ANXA5: variants seen among roughly 807,000 people sequenced by gnomAD.
ANXA5 encodes the protein annexin A5.
Under a neutral mutation model 48.1 loss-of-function variants are expected in ANXA5, and 40 were observed. The ratio of observed to expected loss-of-function variants is 0.83; its 90% CI spans 0.65 to 1.08. ANXA5 has a LOEUF of 1.08. ANXA5 is among the 50% of genes least tolerant of loss of function. The pLI, the probability that ANXA5 is intolerant of heterozygous loss-of-function variation, is 0.00. For synonymous variants in ANXA5, 113 were observed against 129.1 expected, an observed-to-expected ratio of 0.88 and a Z score of 0.85; for missense variants, 357 against 376.8, an observed-to-expected ratio of 0.95 and a Z score of 0.44.
At chr4:121,684,906 G>A (rs760577607) in intron 3 of ANXA5, 135 bp from the exon 4 acceptor site, 160 of 642,982 alleles carry the variant, frequency 2.5e-4, no homozygotes, top group Admixed American at 6.8e-4. Context: ...TATGGCCGGC[G>A]CAGTGGCTCA....
chr4:121,673,797 T>C (rs1724650609), intron 8 of ANXA5, among the ~76,000 whole-genome samples: 1 of 152,166 alleles, frequency 6.6e-6, no homozygotes, highest in South Asian at 2.1e-4. Flanking sequence ...GACACAGACC[T>C]TTCTTAAAAT....
chr4:121,682,604 A>G (rs1560827528), intron 5 of ANXA5, among the ~76,000 whole-genome samples: 1 of 152,252 alleles, frequency 6.6e-6, no homozygotes, highest in East Asian at 1.9e-4. Flanking sequence ...TGTTTATTCC[A>G]AAAGAATCAC....
chr4:121,673,040 A>G (rs1282986151), intron 8 of ANXA5, among the ~76,000 whole-genome samples: 1 of 152,196 alleles, frequency 6.6e-6, no homozygotes, highest in Non-Finnish European at 1.5e-5. Flanking sequence ...TGCTTGTTCT[A>G]TAGCTGTTCA....
chr4:121,680,389 C>T (rs975190624), intron 6 of ANXA5, among the ~76,000 whole-genome samples: 11 of 152,214 alleles, frequency 7.2e-5, no homozygotes, highest in Non-Finnish European at 1.3e-4. Context: ...GCCTCCCTAA[C>T]ATCCAAAGCT....
In ANXA5 at chr4:121,668,290, C is replaced by T. The variant is rs1724554072; in HGVS notation, c.*178G>A. The T allele has an allele frequency of 3.4e-6, 2 of 591,878 alleles. No individual in the cohort carries two copies. Among genetic ancestry groups the T allele is most frequent in the Non-Finnish European group, 6.1e-6 (2 of 330,152 alleles). The allele number at this position is 591,878 out of a possible 1,614,324, so 36.7% of individuals were successfully genotyped here. A position where few individuals can be genotyped will look rare whatever the true frequency, so the allele number is the denominator to read the frequency against. ...ACTACAGCAGTCAAAGAGATCTCCA[C>T]TAGAGATCAGAAAGAAGCACCACTA... On this transcript the variant is annotated 3_prime_UTR_variant, in exon 13 of 13. Transcript: ENST00000296511.
intron 2 of ANXA5, among the ~76,000 whole-genome samples, chr4:121,688,132 G>A (rs772596302): frequency 1.5e-4 from 23 of 152,078 alleles, no homozygotes; most frequent in Non-Finnish European, 2.9e-4. Context: ...GCTCTGTCAC[G>A]TTAGGCTACA....
In ANXA5 at chr4:121,677,914, G is replaced by A. The variant is rs750858784; in HGVS notation, c.511C>T (p.Gln171Ter). 5 of 1,613,676 alleles carry A rather than the reference G, an allele frequency of 3.1e-6. No homozygotes were observed. Among genetic ancestry groups the A allele is most frequent in the Non-Finnish European group, 4.2e-6 (5 of 1,179,766 alleles). Reference sequence around the variant, plus strand: ...CTCACCTGAGCATCTTGTTCAACTTGAGCTTCATCAATTCCAGCATCAGGG... The same window carrying A: ...CTCACCTGAGCATCTTGTTCAACTTAAGCTTCATCAATTCCAGCATCAGGG... ...RDPDAGIDEA[Q>*]VEQDAQALFQ... Residue 171 changes from glutamine (Q) to a stop codon, truncating the protein, a stop_gained, in exon 8 of 13, where the codon CAA becomes TAA. Coordinates refer to ENST00000296511, the MANE Select transcript of ANXA5 (RefSeq NM_001154.4). LOFTEE classifies it high-confidence loss of function.
At chr4:121,696,530 GCATA>G in intron 2 of ANXA5, 47 bp downstream of exon 2, 1 of 1,333,096 alleles carries the variant, frequency 7.5e-7, no homozygotes, top group South Asian at 2.6e-5. Context: ...CCTCGTCGCA[GCATA>G]CAAAGTTGTG....
chr4:121,683,387 A>C lies in ANXA5; in HGVS notation c.280T>G (p.Tyr94Asp). The change falls in exon 5 of 13, where the codon TAT becomes GAT. Residue 94 changes from tyrosine (Y) to aspartate (D), a missense_variant. Physicochemically the swap from Tyr to Asp is radical, Grantham distance 160. Coordinates refer to ENST00000296511, the MANE Select transcript of ANXA5 (RefSeq NM_001154.4). ...ACCTTCAAGGCATGTTTCAGTTCAT[A>C]AGCATCATAAAGCCGAGAGGGTTTC... ...LMKPSRLYDA[Y>D]ELKHALKGAG... is the part of the protein sequence containing the mutation. The C allele has an allele frequency of 6.2e-7, 1 of 1,605,290 alleles. No individual in the cohort carries two copies. The highest frequency in any genetic ancestry group is 2.2e-5 in the East Asian group (1 of 44,470).
chr4:121,681,906 A>T, intron 5 of ANXA5, 145 bp from the exon 6 acceptor site: 1 of 567,202 alleles, frequency 1.8e-6, no homozygotes. Context: ...GAGTTCTATT[A>T]GTTATAGAAA....
chr4:121,684,630 C>T, intron 4 of ANXA5, 47 bp downstream of exon 4: 1 of 1,508,262 alleles, frequency 6.6e-7, no homozygotes, highest in Non-Finnish European at 9.2e-7. Context: ...AGTCTTATAA[C>T]TGATAGCTGT....
chr4:121,669,814 G>A, intron 11 of ANXA5, 90 bp from the exon 12 acceptor site: 2 of 1,507,620 alleles, frequency 1.3e-6, no homozygotes, highest in South Asian at 2.4e-5. Context: ...AATCAATAAG[G>A]TATAACAATT....
intron 8 of ANXA5, among the ~76,000 whole-genome samples, chr4:121,674,262 G>A (rs1724660823): frequency 1.8e-5 from 2 of 110,196 alleles, no homozygotes; most frequent in Non-Finnish European, 3.9e-5. Flanking sequence ...AGAGGGGATA[G>A]GAAGGAGAAG....
At chr4:121,683,336 G>A (rs769002471) in intron 5 of ANXA5, 28 bp downstream of exon 5, 1 of 1,391,434 alleles carries the variant, frequency 7.2e-7, no homozygotes, top group Non-Finnish European at 1.0e-6. Flanking sequence ...ATCTATGCAA[G>A]AATGTTCCTT....
intron 2 of ANXA5, among the ~76,000 whole-genome samples, chr4:121,692,574 G>A (rs1725005332): frequency 6.6e-6 from 1 of 152,096 alleles, no homozygotes; most frequent in Admixed American, 6.5e-5. Flanking sequence ...CCAAGACAAG[G>A]CTTGATTTCC....
At chr4:121,696,308 C>T (rs1196370619) in intron 2 of ANXA5, among the ~76,000 whole-genome samples, 1 of 152,058 alleles carries the variant, frequency 6.6e-6, no homozygotes, top group Non-Finnish European at 1.5e-5. Context: ...GAAAAGGGAG[C>T]GCACACAAAT....
chr4:121,678,139 A>T, intron 7 of ANXA5, 189 bp from the exon 8 acceptor site: 1 of 615,994 alleles, frequency 1.6e-6, no homozygotes, highest in Non-Finnish European at 2.9e-6. Context: ...GACCCTACTG[A>T]TTTTAAATTC....
chr4:121,695,801 G>A (rs1725069384), intron 2 of ANXA5, among the ~76,000 whole-genome samples: 1 of 151,830 alleles, frequency 6.6e-6, no homozygotes, highest in Non-Finnish European at 1.5e-5. Flanking sequence ...TTGGAAAGCT[G>A]AGACACGAGA....
intron 2 of ANXA5, among the ~76,000 whole-genome samples, chr4:121,686,768 A>T (rs1202729538): frequency 1.3e-5 from 2 of 152,184 alleles, no homozygotes; most frequent in Non-Finnish European, 2.9e-5. Context: ...CTCAATTTTA[A>T]GCAGTGCTCT....
Sources: gnomAD v4.1 joint callset for allele counts (sites outside exome capture counted in the v4.1 genomes callset) on GRCh38, gnomAD v4.1.1 for gene constraint, MANE v1.5 for transcripts, NCBI Gene and HGNC (gene_info 2026-07-23, HGNC 2026-07-21) for gene names.